DPP10: variants seen among roughly 807,000 people sequenced by gnomAD.
DPP10 encodes the protein inactive dipeptidyl peptidase 10.
A neutral mutation model predicts 120.9 loss-of-function variants in DPP10; 33 were observed. The observed-to-expected ratio is 0.27, with a 90% CI of 0.21 to 0.37. The LOEUF (loss-of-function observed/expected upper bound fraction) is 0.37. Ranked by LOEUF, DPP10 falls within the 10% of genes least tolerant of loss-of-function variation. The pLI, the probability that DPP10 is intolerant of heterozygous loss-of-function variation, is 1.00. For synonymous variants in DPP10, 337 were observed against 326.1 expected (o/e 1.03, Z -0.36); for missense variants, 816 against 942.8 (o/e 0.87, Z 1.76).
intron 19 of DPP10, among the ~76,000 whole-genome samples, chr2:115,810,606 C>G (rs932357917): frequency 6.6e-6 from 1 of 152,150 alleles, no homozygotes; most frequent in African/African-American, 2.4e-5. Context: ...CCTCAAAGAC[C>G]TTAACTTCTA....
At chr2:115,426,393 G>A (rs572379942) in intron 3 of DPP10, among the ~76,000 whole-genome samples, 13 of 98,578 alleles carry the variant, frequency 1.3e-4, no homozygotes, top group African/African-American at 5.2e-4. Context: ...CCACTCCGAC[G>A]CTGGAGATGA....
In DPP10 at chr2:114,773,907, T is replaced by A. The variant is rs558462777; in HGVS notation, c.60+331069T>A. 5.0e-3 allele frequency among the ~76,000 whole-genome samples: 764 copies of A among 152,172 alleles called. 6 individuals are homozygous for A. Among genetic ancestry groups the A allele is most frequent in the Middle Eastern group, 0.01 (3 of 292 alleles). On this transcript the variant is annotated intron_variant, in intron 1 of 25. Transcript: ENST00000410059. ...AAAAATAAATATATACTTTTTGATATTTCAAATAGATATCAAAAAGTATAT... is the reference window on the plus strand; with the variant it reads ...AAAAATAAATATATACTTTTTGATAATTCAAATAGATATCAAAAAGTATAT...
At chr2:115,138,656 A>AT (rs565637243) in intron 1 of DPP10, among the ~76,000 whole-genome samples, 5 of 152,134 alleles carry the variant, frequency 3.3e-5, no homozygotes, top group East Asian at 1.9e-4. Flanking sequence ...ATAAAACACA[A>AT]TTTTTTTTAT....
At chr2:114,833,172 A>C (rs571065740) in intron 1 of DPP10, among the ~76,000 whole-genome samples, 1 of 152,180 alleles carries the variant, frequency 6.6e-6, no homozygotes, top group African/African-American at 2.4e-5. Flanking sequence ...ATAATATCAC[A>C]TTGGCTGCAT....
intron 11 of DPP10, among the ~76,000 whole-genome samples, chr2:115,755,647 A>G (rs1679296911): frequency 6.6e-6 from 1 of 152,132 alleles, no homozygotes; most frequent in Non-Finnish European, 1.5e-5. Context: ...GACAACAAAA[A>G]GAAATGTAAA....
intron 1 of DPP10, among the ~76,000 whole-genome samples, chr2:115,100,560 ATGTG>A (rs528548656): frequency 1.3e-5 from 2 of 151,898 alleles, no homozygotes; most frequent in Non-Finnish European, 1.5e-5. Context: ...GTGTATGTAC[ATGTG>A]TGTGTGTATG....
intron 5 of DPP10, among the ~76,000 whole-genome samples, chr2:115,585,046 T>G (rs2149142671): frequency 6.6e-6 from 1 of 152,360 alleles, no homozygotes; most frequent in Middle Eastern, 3.4e-3. Flanking sequence ...ATACATATGC[T>G]GGCGAAGTTA....
chr2:114,505,213 T>C (rs551502189), intron 1 of DPP10, among the ~76,000 whole-genome samples: 135 of 150,352 alleles, frequency 9.0e-4, no homozygotes, highest in Non-Finnish European at 1.6e-3. Flanking sequence ...AGATAGCTTA[T>C]ATACCTTTTA....
At chr2:114,779,904 A>G (rs1682136838) in intron 1 of DPP10, among the ~76,000 whole-genome samples, 2 of 152,164 alleles carry the variant, frequency 1.3e-5, no homozygotes, top group African/African-American at 4.8e-5. Context: ...TGGGAGGCCA[A>G]GGCGGGCGGA....
chr2:115,251,025 G>T (rs1429801260), intron 1 of DPP10, among the ~76,000 whole-genome samples: 1 of 152,182 alleles, frequency 6.6e-6, no homozygotes, highest in Non-Finnish European at 1.5e-5. Context: ...TTCGTCCCCG[G>T]TGGCTTTGGA....
intron 3 of DPP10, among the ~76,000 whole-genome samples, chr2:115,417,502 T>C (rs2069536573): frequency 6.6e-6 from 1 of 152,170 alleles, no homozygotes; most frequent in Non-Finnish European, 1.5e-5. Flanking sequence ...TAGTAAACTA[T>C]TTTATACCAA....
intron 1 of DPP10, among the ~76,000 whole-genome samples, chr2:115,187,279 AC>A (rs2054533585): frequency 6.7e-6 from 1 of 149,856 alleles, no homozygotes; most frequent in Non-Finnish European, 1.5e-5. Context: ...CTCATGATCC[AC>A]CCGCCTCGGC....
At chr2:115,726,357 T>C (rs1348241208) in intron 7 of DPP10, among the ~76,000 whole-genome samples, 1 of 152,200 alleles carries the variant, frequency 6.6e-6, no homozygotes, top group Non-Finnish European at 1.5e-5. Flanking sequence ...TCCACCCTGC[T>C]TTTAGTAATA....
intron 1 of DPP10, among the ~76,000 whole-genome samples, chr2:114,632,102 C>T (rs149006276): frequency 1.5e-3 from 221 of 152,064 alleles, no homozygotes; most frequent in African/African-American, 4.9e-3. Context: ...AAGTTAGCTT[C>T]GGGTTAAATA....
intron 1 of DPP10, among the ~76,000 whole-genome samples, chr2:115,291,243 A>G (rs1393851132): frequency 6.6e-6 from 1 of 152,138 alleles, no homozygotes; most frequent in Admixed American, 6.5e-5. Flanking sequence ...TGCTCAAGCA[A>G]TTCTCCTGCC....
chr2:115,581,862 T>G (rs1186486798), intron 5 of DPP10, among the ~76,000 whole-genome samples: 1 of 152,146 alleles, frequency 6.6e-6, no homozygotes. Flanking sequence ...TTACAAATAC[T>G]TATATATGAA....
intron 7 of DPP10, among the ~76,000 whole-genome samples, chr2:115,699,392 A>G (rs981447908): frequency 6.6e-6 from 1 of 152,206 alleles, no homozygotes; most frequent in Non-Finnish European, 1.5e-5. Context: ...ACCTGAGGTC[A>G]GGAGTTTGAG....
chr2:115,054,153 T>C (rs1456724899), intron 1 of DPP10, among the ~76,000 whole-genome samples: 1 of 152,212 alleles, frequency 6.6e-6, no homozygotes, highest in Non-Finnish European at 1.5e-5. Flanking sequence ...TTGAATTAAC[T>C]TAATCTTCAG....
rs533966952 is a variant in DPP10, at chr2:115,002,740, G to A, written c.61-306499G>A. ...CTTACCAAAAGAAGACATTCATGTGGCCAACAGGAATATTAAAAAATACTC... is the reference window on the plus strand; with the variant it reads ...CTTACCAAAAGAAGACATTCATGTGACCAACAGGAATATTAAAAAATACTC... On this transcript the variant is annotated intron_variant, in intron 1 of 25. Transcript: ENST00000410059. 9.7e-4 allele frequency among the ~76,000 whole-genome samples: 148 copies of A among 152,204 alleles called. 1 individual carries two copies. The Middle Eastern group carries it at 0.02, about 21-fold the overall frequency.
Sources: allele counts gnomAD v4.1 joint callset (sites outside exome capture counted in the v4.1 genomes callset), GRCh38; gene constraint gnomAD v4.1.1; transcripts MANE v1.5; gene names NCBI Gene and HGNC (gene_info 2026-07-23, HGNC 2026-07-21).